HCN1: variants seen among roughly 807,000 people sequenced by gnomAD.
HCN1 encodes the protein hyperpolarization activated cyclic nucleotide gated potassium channel 1.
Under a neutral mutation model 78.9 loss-of-function variants are expected in HCN1, and 13 were observed. The observed-to-expected ratio is 0.16, with a 90% CI of 0.11 to 0.26. The LOEUF (loss-of-function observed/expected upper bound fraction) is 0.26. Among genes scored for constraint, HCN1 ranks in the 10% least tolerant of loss-of-function variants. The pLI is 1.00. For synonymous variants in HCN1, 552 were observed against 455.5 expected (o/e 1.21, Z -2.70); for missense variants, 810 against 1,154.3 (o/e 0.70, Z 4.32).
At chr5:45,356,932 G>T (rs771042761) in intron 4 of HCN1, among the ~76,000 whole-genome samples, 1 of 151,968 alleles carries the variant, frequency 6.6e-6, no homozygotes, top group Non-Finnish European at 1.5e-5. Context: ...TTCCTTTCTT[G>T]CTCATCAGTA....
intron 2 of HCN1, among the ~76,000 whole-genome samples, chr5:45,574,401 GTGCCATGAACCA>G (rs1743896157): frequency 6.6e-6 from 1 of 151,936 alleles, no homozygotes; most frequent in Non-Finnish European, 1.5e-5. Flanking sequence ...CTGCTTTGGG[GTGCCATGAACCA>G]TGCCATGTAA....
chr5:45,360,564 C>T (rs1379423552), intron 4 of HCN1, among the ~76,000 whole-genome samples: 2 of 151,936 alleles, frequency 1.3e-5, no homozygotes, highest in Non-Finnish European at 2.9e-5. Flanking sequence ...AGAATTTTTG[C>T]AGCAAGATTG....
chr5:45,494,122 G>A (rs1256833646), intron 2 of HCN1, among the ~76,000 whole-genome samples: 1 of 152,010 alleles, frequency 6.6e-6, no homozygotes, highest in African/African-American at 2.4e-5. Context: ...ACCCAGTAAT[G>A]GGATGGCTGG....
rs2111831635 is a variant in HCN1 at position 45,257,757 on chromosome 5, A to T, written c.*4164T>A. 6.6e-6 allele frequency: 1 copy of T among 152,270 alleles called. No individual in the cohort carries two copies. The highest frequency in any genetic ancestry group is 2.1e-4 in the South Asian group (1 of 4,820). The allele number at this position is 152,270 out of a possible 1,614,324, so 9.4% of individuals were successfully genotyped here. ...GTACAATAGCAAATCTTTCAAAGAA[A>T]ATTTCTATCCTATTTTTCCTTGAAA... On this transcript the variant is annotated 3_prime_UTR_variant, in exon 8 of 8. Transcript: ENST00000303230.
intron 6 of HCN1, among the ~76,000 whole-genome samples, chr5:45,287,088 T>A (rs1456370230): frequency 6.6e-6 from 1 of 151,208 alleles, no homozygotes; most frequent in Non-Finnish European, 1.5e-5. Context: ...TGCGTGTGTG[T>A]GTGTGTGTGT....
In HCN1 at chr5:45,255,329, A is replaced by T. The variant is rs1435466925; in HGVS notation, c.*6592T>A. 4 of 152,170 alleles carry T rather than the reference A, an allele frequency of 2.6e-5. No homozygotes were observed. The allele number at this position is 152,170 out of a possible 1,614,324, so 9.4% of individuals were successfully genotyped here. ...TCTCCAGAAATGTCTTCACACTTGG[A>T]AGTTCCCTTAAAAAGCCCTTAAAAT... On this transcript the variant is annotated 3_prime_UTR_variant, in exon 8 of 8. Transcript: ENST00000303230.
chr5:45,266,114 T>A (rs1278182983), intron 7 of HCN1, among the ~76,000 whole-genome samples: 1 of 152,182 alleles, frequency 6.6e-6, no homozygotes, highest in Non-Finnish European at 1.5e-5. Context: ...TATCTAGGAA[T>A]GTTAACAGCA....
rs1442287965 is a variant in HCN1, at chr5:45,383,109, CTTG to C, written c.1230+13380_1230+13382del. On this transcript the variant is annotated intron_variant, in intron 4 of 7. Coordinates refer to ENST00000303230, the MANE Select transcript of HCN1 (RefSeq NM_021072.4). ...AATGAGTCTCTAAGAGACTATAAAA[CTTG>C]TTGTGGTCATGCAGTTATGAAGATG... Among the ~76,000 whole-genome samples, 9 of 152,168 alleles carry C rather than the reference CTTG, an allele frequency of 5.9e-5. No individual in the cohort carries two copies. The East Asian group carries it at 1.2e-3, about 20-fold the overall frequency.
intron 2 of HCN1, among the ~76,000 whole-genome samples, chr5:45,610,301 T>G (rs958429379): frequency 1.3e-5 from 2 of 152,050 alleles, no homozygotes; most frequent in Non-Finnish European, 2.9e-5. Flanking sequence ...TAGAACTATC[T>G]GTGAAAATAT....
intron 1 of HCN1, among the ~76,000 whole-genome samples, chr5:45,672,654 A>G (rs1055529277): frequency 2.0e-5 from 3 of 151,426 alleles, no homozygotes; most frequent in Admixed American, 2.0e-4. Context: ...ATATTTAATA[A>G]TTCAGAAATG....
rs558820240 is a variant in HCN1, at chr5:45,303,462, A to G, written c.1618+137T>C. ...GACTCTGAAATATGAAAACACTGTT[A>G]TAGACACTTTTATCAGAATTCACAT... On this transcript the variant is annotated intron_variant, in intron 6 of 7. Coordinates refer to ENST00000303230, the MANE Select transcript of HCN1 (RefSeq NM_021072.4). 3.3e-5 allele frequency: 27 copies of G among 813,346 alleles called. No individual in the cohort carries two copies. The South Asian group carries it at 3.9e-4, about 12-fold the overall frequency. 50.4% of individuals were successfully genotyped at this position (813,346 alleles called of 1,614,324 possible). A position where few individuals can be genotyped will look rare whatever the true frequency, so the allele number is the denominator to read the frequency against.
intron 3 of HCN1, among the ~76,000 whole-genome samples, chr5:45,404,856 G>C (rs1561142519): frequency 6.6e-6 from 1 of 152,058 alleles, no homozygotes. Flanking sequence ...TTTCACATGA[G>C]CTGAAATTTA....
chr5:45,431,493 C>A (rs1037144360), intron 3 of HCN1, among the ~76,000 whole-genome samples: 2 of 152,122 alleles, frequency 1.3e-5, no homozygotes, highest in African/African-American at 4.8e-5. Flanking sequence ...GCATCTTTAT[C>A]ATGAAATATT....
At chr5:45,633,685 T>C (rs982397744) in intron 2 of HCN1, among the ~76,000 whole-genome samples, 1 of 152,008 alleles carries the variant, frequency 6.6e-6, no homozygotes, top group Non-Finnish European at 1.5e-5. Flanking sequence ...CCAATTAATA[T>C]ATGATTAAGT....
chr5:45,507,924 G>C (rs1165129308), intron 2 of HCN1, among the ~76,000 whole-genome samples: 2 of 151,996 alleles, frequency 1.3e-5, no homozygotes, highest in African/African-American at 4.8e-5. Context: ...CTGACTTAAA[G>C]AGACATATAA....
intron 1 of HCN1, among the ~76,000 whole-genome samples, chr5:45,665,822 T>A (rs1370716670): frequency 2.0e-5 from 3 of 152,084 alleles, no homozygotes; most frequent in Non-Finnish European, 4.4e-5. Context: ...CTTGGCAATT[T>A]AAAATTGATG....
At position 45,260,691 on chromosome 5, in the gene HCN1, C is replaced by G. The variant is rs550990551; in HGVS notation, c.*1230G>C. On this transcript the variant is annotated 3_prime_UTR_variant, in exon 8 of 8. Coordinates refer to ENST00000303230, the MANE Select transcript of HCN1 (RefSeq NM_021072.4). ...ACACAGACAACACTTAACTCCAAAT[C>G]AAGCTGTGGTTTACAAATAATTATT... The G allele has an allele frequency of 6.6e-6, 1 of 152,662 alleles. No individual in the cohort carries two copies. The highest frequency in any genetic ancestry group is 1.9e-4 in the East Asian group (1 of 5,184). 9.5% of individuals were successfully genotyped at this position (152,662 alleles called of 1,614,324 possible). A position where few individuals can be genotyped will look rare whatever the true frequency, so the allele number is the denominator to read the frequency against.
Position 45,262,453 on chromosome 5 carries a change from G to A in HCN1, c.2141C>T (p.Ala714Val), listed in dbSNP as rs1188360272. 3 of 1,612,330 alleles carry A rather than the reference G, an allele frequency of 1.9e-6. No individual in the cohort carries two copies. The East Asian group carries it at 6.7e-5, about 36-fold the overall frequency. Residue 714 changes from alanine to valine, a missense_variant, in exon 8 of 8, where the codon GCT becomes GTT. Physicochemically the swap from Ala to Val is moderately conservative, Grantham distance 64. Transcript: ENST00000303230. ...CSPPVQSPLA[A>V]RTFHYASPTA... ...GGGGGAGGCATAGTGGAAAGTTCGA[G>A]CGGCCAGAGGGCTCTGTACAGGAGG...
rs1190015846 is a variant in HCN1 at position 45,373,712 on chromosome 5, A to T, written c.1231-20466T>A. On this transcript the variant is annotated intron_variant, in intron 4 of 7. Transcript: ENST00000303230. ...TACATACGGTATATACGTCATCTAT[A>T]ATATATTACGGTATATACGTCATCT... Among the ~76,000 whole-genome samples the T allele has an allele frequency of 1.7e-5, 2 of 120,556 alleles. 1 individual carries two copies. The highest frequency in any genetic ancestry group is 6.6e-5 in the African/African-American group (2 of 30,518). 79.1% of individuals were successfully genotyped at this position (120,556 alleles called of 152,430 possible). A position where few individuals can be genotyped will look rare whatever the true frequency, so the allele number is the denominator to read the frequency against.
Sources: gnomAD v4.1 joint callset for allele counts (sites outside exome capture counted in the v4.1 genomes callset) on GRCh38, gnomAD v4.1.1 for gene constraint, MANE v1.5 for transcripts, NCBI Gene and HGNC (gene_info 2026-07-23, HGNC 2026-07-21) for gene names.